Variants in BABAM2 observed in about 807,000 individuals in gnomAD.
BABAM2 encodes BRISC and BRCA1-A complex member 2.
A neutral mutation model predicts 54.7 loss-of-function variants in BABAM2; 31 were observed. The observed-to-expected ratio is 0.57, with a 90% CI of 0.43 to 0.77. The LOEUF (loss-of-function observed/expected upper bound fraction) is 0.77, where lower values mean the gene tolerates loss of function less well. Among genes scored for constraint, BABAM2 ranks in the 30% least tolerant of loss-of-function variants. BABAM2 has a pLI of 0.00. For synonymous variants in BABAM2, 167 were observed against 162.9 expected, an observed-to-expected ratio of 1.03 and a Z score of -0.19; for missense variants, 364 against 455.8, an observed-to-expected ratio of 0.80 and a Z score of 1.83.
intron 10 of BABAM2, among the ~76,000 whole-genome samples, chr2:28,258,808 ACT>A (rs1558479214): frequency 6.8e-6 from 1 of 147,210 alleles, no homozygotes; most frequent in African/African-American, 2.5e-5. Context: ...ATGGAGTCTC[ACT>A]CTGTCACCCA....
intron 7 of BABAM2, among the ~76,000 whole-genome samples, chr2:28,221,499 T>C (rs1232491806): frequency 6.6e-6 from 1 of 152,238 alleles, no homozygotes; most frequent in South Asian, 2.1e-4. Flanking sequence ...ATGTATGACA[T>C]ATTACATACT....
chr2:28,123,984 G>C, intron 6 of BABAM2, among the ~76,000 whole-genome samples: 1 of 152,286 alleles, frequency 6.6e-6, no homozygotes, highest in East Asian at 1.9e-4. Context: ...AGAAAGGGAA[G>C]TAATTATAAA....
chr2:28,301,950 T>G (rs935397531), intron 11 of BABAM2, among the ~76,000 whole-genome samples: 3 of 152,242 alleles, frequency 2.0e-5, no homozygotes, highest in Non-Finnish European at 4.4e-5. Context: ...CGAAGTTACC[T>G]TATAGCCTCT....
rs1352820646 is a variant in BABAM2, at chr2:28,020,962, C to CACACAG, written c.301-4259_301-4258insGACACA. 2.0e-5 allele frequency among the ~76,000 whole-genome samples: 3 copies of CACACAG among 150,828 alleles called. No individual in the cohort carries two copies. In the East Asian group the frequency reaches 5.8e-4, roughly 29 times the overall value. The stretch of plus-strand genomic sequence containing the variant: ...ACTCTCTGTCTCTCTGACACACACA[C>CACACAG]ACACACACACACACACACACACACA... On this transcript the variant is annotated intron_variant, in intron 4 of 11. Coordinates refer to ENST00000379624, the MANE Select transcript of BABAM2 (RefSeq NM_199191.3).
At chr2:27,909,245 A>G (rs927189992) in intron 2 of BABAM2, among the ~76,000 whole-genome samples, 4 of 151,884 alleles carry the variant, frequency 2.6e-5, no homozygotes, top group South Asian at 2.1e-4. Context: ...GGGTCTTGCT[A>G]TGTCACCCAG....
chr2:28,274,305 C>G (rs897474813), intron 10 of BABAM2, among the ~76,000 whole-genome samples: 5 of 152,234 alleles, frequency 3.3e-5, no homozygotes, highest in Admixed American at 1.3e-4. Flanking sequence ...ACCTGAATAA[C>G]ACTTGATCCA....
chr2:28,234,531 C>T (rs1451425202), intron 7 of BABAM2, among the ~76,000 whole-genome samples: 1 of 152,162 alleles, frequency 6.6e-6, no homozygotes, highest in African/African-American at 2.4e-5. Flanking sequence ...AAAGACTTCT[C>T]TTGTAATATT....
chr2:28,157,494 A>C (rs1026060763), intron 7 of BABAM2, among the ~76,000 whole-genome samples: 1 of 152,266 alleles, frequency 6.6e-6, no homozygotes, highest in Non-Finnish European at 1.5e-5. Context: ...TGATAGCAGC[A>C]AAAATAGACA....
intron 6 of BABAM2, among the ~76,000 whole-genome samples, chr2:28,054,036 A>G (rs546369435): frequency 6.6e-6 from 1 of 152,224 alleles, no homozygotes; most frequent in African/African-American, 2.4e-5. Flanking sequence ...CAAAAACAAA[A>G]CAACGTTTAT....
At chr2:28,040,590 G>A (rs114818391) in intron 5 of BABAM2, among the ~76,000 whole-genome samples, 6,033 of 152,116 alleles carry the variant, frequency 0.04, 399 homozygotes, top group African/African-American at 0.14. Flanking sequence ...GTGAGCCACC[G>A]CGCCCGGCCG....
At chr2:27,925,056 C>T (rs959906164) in intron 2 of BABAM2, among the ~76,000 whole-genome samples, 1 of 152,146 alleles carries the variant, frequency 6.6e-6, no homozygotes, top group Admixed American at 6.5e-5. Flanking sequence ...AGCAGAATCC[C>T]TGCACCTAAC....
chr2:28,052,287 CTT>C (rs540993353), intron 6 of BABAM2, among the ~76,000 whole-genome samples: 3 of 134,850 alleles, frequency 2.2e-5, no homozygotes. Flanking sequence ...TTTTTTTTTG[CTT>C]TTTTTTTTTT....
chr2:27,928,250 G>A (rs943509163), intron 2 of BABAM2, among the ~76,000 whole-genome samples: 1 of 151,904 alleles, frequency 6.6e-6, no homozygotes, highest in Non-Finnish European at 1.5e-5. Flanking sequence ...TCGTGACCTC[G>A]TGATCCGCCT....
At chr2:28,231,508 A>C (rs145543182) in intron 7 of BABAM2, among the ~76,000 whole-genome samples, 104 of 152,278 alleles carry the variant, frequency 6.8e-4, no homozygotes, top group African/African-American at 2.4e-3. Context: ...TTGTTTCTAC[A>C]TCCTGGATGT....
chr2:28,162,290 C>G (rs79114858), intron 7 of BABAM2, among the ~76,000 whole-genome samples: 1,622 of 152,262 alleles, frequency 0.011, 12 homozygotes, highest in Admixed American at 0.019. Flanking sequence ...GTACATGGCT[C>G]TCTTCAGGAT....
chr2:27,959,727 A>G (rs892756184), intron 3 of BABAM2, among the ~76,000 whole-genome samples: 3 of 152,096 alleles, frequency 2.0e-5, no homozygotes, highest in Non-Finnish European at 4.4e-5. Flanking sequence ...CAGAGGCACA[A>G]CTGTCTTTGT....
intron 7 of BABAM2, among the ~76,000 whole-genome samples, chr2:28,143,694 G>A (rs1671254547): frequency 6.6e-6 from 1 of 152,072 alleles, no homozygotes; most frequent in South Asian, 2.1e-4. Flanking sequence ...ATATGTATGT[G>A]GATACTGATG....
chr2:28,251,278 C>A (rs1425927403), intron 10 of BABAM2, among the ~76,000 whole-genome samples: 1 of 151,786 alleles, frequency 6.6e-6, no homozygotes, highest in Non-Finnish European at 1.5e-5. Context: ...AGGAAATCAA[C>A]AACTTCAGAC....
At chr2:28,106,467 A>G (rs548007202) in intron 6 of BABAM2, among the ~76,000 whole-genome samples, 1 of 152,292 alleles carries the variant, frequency 6.6e-6, no homozygotes, top group East Asian at 1.9e-4. Context: ...ATAGTTCCTC[A>G]GTTTGTCCTT....
Sources: gnomAD v4.1 joint callset for allele counts (sites outside exome capture counted in the v4.1 genomes callset) on GRCh38, gnomAD v4.1.1 for gene constraint, MANE v1.5 for transcripts, NCBI Gene and HGNC (gene_info 2026-07-23, HGNC 2026-07-21) for gene names.